Variants in PPP1R15B observed in about 807,000 individuals in gnomAD.
The protein encoded by PPP1R15B is protein phosphatase 1 regulatory subunit 15B, also known as protein phosphatase 1, regulatory (inhibitor) subunit 15B.
A neutral mutation model predicts 53.9 loss-of-function variants in PPP1R15B; 31 were observed. The ratio of observed to expected loss-of-function variants is 0.58; its 90% CI spans 0.43 to 0.78. The LOEUF is 0.78. PPP1R15B is among the 30% of genes least tolerant of loss of function. PPP1R15B has a pLI of 0.00. For synonymous variants in PPP1R15B, 345 were observed against 329.1 expected, an observed-to-expected ratio of 1.05 and a Z score of -0.52; for missense variants, 928 against 849.6, an observed-to-expected ratio of 1.09 and a Z score of -1.15.
Position 204,411,582 on chromosome 1 carries a change from G to C in PPP1R15B, c.-171C>G. On this transcript the variant is annotated 5_prime_UTR_variant, in exon 1 of 2. Transcript: ENST00000367188. ...CACAGAGGGCAGCGAATGCGGCAGC[G>C]GGCGGCAGAACACAGGGAAGAACAG... 1 of 863,942 alleles carries C rather than the reference G, an allele frequency of 1.2e-6. No homozygotes were observed. The highest frequency in any genetic ancestry group is 1.8e-6 in the Non-Finnish European group (1 of 568,124). The allele number at this position is 863,942 out of a possible 1,614,324, so 53.5% of individuals were successfully genotyped here.
In PPP1R15B at chr1:204,411,355, C is replaced by T; in HGVS notation, c.57G>A (p.Arg19=). 1 of 1,613,736 alleles carries T rather than the reference C, an allele frequency of 6.2e-7. No individual in the cohort carries two copies. Among genetic ancestry groups the T allele is most frequent in the Admixed American group, 1.7e-5 (1 of 60,026 alleles). ...RKRLGPRAGF[R]FWPPFFPRRS... ...GCCGAGGGAAAAAGGGTGGCCAGAA[C>T]CGGAAGCCCGCCCGAGGGCCAAGCC... is the stretch of plus-strand genomic sequence containing the variant. Residue 19 remains arginine (R), a synonymous_variant, in exon 1 of 2, where the codon CGG becomes CGA. Coordinates refer to ENST00000367188, the MANE Select transcript of PPP1R15B (RefSeq NM_032833.5).
rs970498927 is a variant in PPP1R15B at position 204,403,996 on chromosome 1, G to A, written c.*2096C>T. ...TCTCATTATTTTCAAATACACAGAG[G>A]TGCTAGGTTTAAGAAACAGGAAACA... On this transcript the variant is annotated 3_prime_UTR_variant, in exon 2 of 2. Transcript: ENST00000367188. 3 of 985,214 alleles carry A rather than the reference G, an allele frequency of 3.0e-6. No individual in the cohort carries two copies. Among genetic ancestry groups the A allele is most frequent in the Non-Finnish European group, 3.6e-6 (3 of 829,906 alleles). 61.0% of individuals were successfully genotyped at this position (985,214 alleles called of 1,614,324 possible).
Position 204,404,087 on chromosome 1 carries a change from A to G in PPP1R15B, c.*2005T>C. The G allele has an allele frequency of 1.0e-6, 1 of 985,458 alleles. No homozygotes were observed. Among genetic ancestry groups the G allele is most frequent in the African/African-American group, 1.7e-5 (1 of 57,366 alleles). The allele number at this position is 985,458 out of a possible 1,614,324, so 61.0% of individuals were successfully genotyped here. The stretch of plus-strand genomic sequence containing the variant: ...TAAAAGAATGCCTGTATGTTGTCAA[A>G]AGGCTTTTTTCAAGGCAAATGACGC... On this transcript the variant is annotated 3_prime_UTR_variant, in exon 2 of 2. Transcript: ENST00000367188.
At position 204,406,023 on chromosome 1, in the gene PPP1R15B, GA is replaced by G; in HGVS notation, c.*68del. 6.5e-7 allele frequency: 1 copy of G among 1,543,940 alleles called. No individual in the cohort carries two copies. Among genetic ancestry groups the G allele is most frequent in the Non-Finnish European group, 8.7e-7 (1 of 1,146,916 alleles). On this transcript the variant is annotated 3_prime_UTR_variant, in exon 2 of 2. Coordinates refer to ENST00000367188, the MANE Select transcript of PPP1R15B (RefSeq NM_032833.5). ...AAAAATGTCAAAGGACAGCTGCCAA[GA>G]TTTGTTTTTAAAAGACACCTCTCAG...
chr1:204,406,457 A>C, intron 1 of PPP1R15B, 144 bp from the exon 2 acceptor site: 1 of 1,257,868 alleles, frequency 7.9e-7, no homozygotes, highest in Non-Finnish European at 1.1e-6. Flanking sequence ...GGTCCCAGCT[A>C]TATTTGAAGT....
At chr1:204,396,251 C>T (rs1572248531), downstream of PPP1R15B, among the ~76,000 whole-genome samples, 1 of 150,174 alleles carries the variant, frequency 6.7e-6, no homozygotes, top group South Asian at 2.1e-4. Context: ...CTCACACCTG[C>T]AATCCCAGCA....
Position 204,406,291 on chromosome 1 carries a change from G to A in PPP1R15B, c.1943C>T (p.Thr648Ile). ...RKKVTFLEEV[T>I]EYYISGDEDR... ...CTCATCACCACTTATATAATACTCAGTAACTTCTTCAAGGAAGGTTACCTA... is the reference window on the plus strand; with the variant it reads ...CTCATCACCACTTATATAATACTCAATAACTTCTTCAAGGAAGGTTACCTA... Residue 648 changes from threonine (T) to isoleucine (I), a missense_variant, in exon 2 of 2, where the codon ACT (threonine) becomes ATT (isoleucine). Coordinates refer to ENST00000367188, the MANE Select transcript of PPP1R15B (RefSeq NM_032833.5). 6.2e-7 allele frequency: 1 copy of A among 1,613,804 alleles called. No homozygotes were observed. The highest frequency in any genetic ancestry group is 1.3e-5 in the African/African-American group (1 of 74,988).
Position 204,409,806 on chromosome 1 carries a change from T to C in PPP1R15B, c.1606A>G (p.Ser536Gly), listed in dbSNP as rs765785733. 1.9e-6 allele frequency: 3 copies of C among 1,614,010 alleles called. No homozygotes were observed. Among genetic ancestry groups the C allele is most frequent in the South Asian group, 1.1e-5 (1 of 91,090 alleles). Residue 536 changes from serine to glycine, a missense_variant, in exon 1 of 2, where the codon AGT (serine) becomes GGT (glycine). Ser to Gly is a moderately conservative substitution (Grantham distance 56). Transcript: ENST00000367188. The part of the protein sequence containing the change: ...SGSLPETPEH[S>G]SGEEDDWESS... ...TCCCAGTCATCTTCCTCCCCAGAAC[T>C]ATGCTCAGGGGTCTCAGGAAGGCTT...
downstream of PPP1R15B, among the ~76,000 whole-genome samples, chr1:204,396,747 A>C (rs1233654501): frequency 6.6e-6 from 1 of 152,184 alleles, no homozygotes; most frequent in Non-Finnish European, 1.5e-5. Flanking sequence ...AATGAGTGAA[A>C]CTTATTGTAA....
rs1420354174 is a variant in PPP1R15B, at chr1:204,410,298, C to A, written c.1114G>T (p.Val372Phe). The A allele has an allele frequency of 1.2e-6, 2 of 1,614,120 alleles. No homozygotes were observed. Among genetic ancestry groups the A allele is most frequent in the South Asian group, 2.2e-5 (2 of 91,082 alleles). ...CTCTCTTCTTCCAAAGCAAGTGGAACCTCTGTAGTTAATAATTCTATTTTT... is the reference window on the plus strand; with the variant it reads ...CTCTCTTCTTCCAAAGCAAGTGGAAACTCTGTAGTTAATAATTCTATTTTT... Reference protein sequence around the residue: ...EEKIELLTTEVPLALEEESPS... With the variant: ...EEKIELLTTEFPLALEEESPS... Residue 372 changes from valine to phenylalanine, a missense_variant, in exon 1 of 2, where the codon GTT (valine) becomes TTT (phenylalanine). Coordinates refer to ENST00000367188, the MANE Select transcript of PPP1R15B (RefSeq NM_032833.5).
chr1:204,399,492 G>A (rs930692173), downstream of PPP1R15B, among the ~76,000 whole-genome samples: 1 of 151,978 alleles, frequency 6.6e-6, no homozygotes, highest in Non-Finnish European at 1.5e-5. Context: ...CCTGGGAGGC[G>A]GAGGTTCAGC....
At position 204,405,906 on chromosome 1, in the gene PPP1R15B, T is replaced by C. The variant is rs184365286; in HGVS notation, c.*186A>G. The C allele has an allele frequency of 7.2e-5, 99 of 1,383,428 alleles. No individual in the cohort carries two copies. Among genetic ancestry groups the C allele is most frequent in the Admixed American group, 1.8e-4 (6 of 32,670 alleles). 85.7% of individuals were successfully genotyped at this position (1,383,428 alleles called of 1,614,324 possible). ...AATCACACTAGTTCATCCTTCATTA[T>C]CAGGGCTGGCTTCAAACCTGAATGT... On this transcript the variant is annotated 3_prime_UTR_variant, in exon 2 of 2. Coordinates refer to ENST00000367188, the MANE Select transcript of PPP1R15B (RefSeq NM_032833.5).
chr1:204,410,036 C>G lies in PPP1R15B; in HGVS notation c.1376G>C (p.Ser459Thr). ...DEEAEDDGFD[S>T]DSSLSDSDLE... The stretch of plus-strand genomic sequence containing the variant: ...GTCTGAGTCTGACAGTGAGCTATCA[C>G]TATCAAAACCATCATCCTCAGCTTC... Residue 459 changes from serine to threonine, a missense_variant, in exon 1 of 2, where the codon AGT becomes ACT. Coordinates refer to ENST00000367188, the MANE Select transcript of PPP1R15B (RefSeq NM_032833.5). 5.6e-6 allele frequency: 9 copies of G among 1,614,166 alleles called. No homozygotes were observed. The highest frequency in any genetic ancestry group is 7.6e-6 in the Non-Finnish European group (9 of 1,180,000).
chr1:204,398,975 T>G (rs528173630), downstream of PPP1R15B, among the ~76,000 whole-genome samples: 1 of 152,352 alleles, frequency 6.6e-6, no homozygotes, highest in African/African-American at 2.4e-5. Flanking sequence ...TGTAATTACT[T>G]TCTACAAATT....
In PPP1R15B at chr1:204,403,585, AAAGATG is replaced by A. The variant is rs1432573570; in HGVS notation, c.*2501_*2506del. ...AATCTGATAGTTTTGATTTCAAGTT[AAAGATG>A]AAGAAGTGTTACATTTCATCACTCA... On this transcript the variant is annotated 3_prime_UTR_variant, in exon 2 of 2. Coordinates refer to ENST00000367188, the MANE Select transcript of PPP1R15B (RefSeq NM_032833.5). The A allele has an allele frequency of 7.3e-6, 7 of 964,288 alleles. No homozygotes were observed. The highest frequency in any genetic ancestry group is 7.4e-6 in the Non-Finnish European group (6 of 816,240). The allele number at this position is 964,288 out of a possible 1,614,324, so 59.7% of individuals were successfully genotyped here.
Position 204,403,822 on chromosome 1 carries a change from A to G in PPP1R15B, c.*2270T>C. The G allele has an allele frequency of 1.0e-6, 1 of 985,858 alleles. No homozygotes were observed. Among genetic ancestry groups the G allele is most frequent in the Non-Finnish European group, 1.2e-6 (1 of 829,924 alleles). 61.1% of individuals were successfully genotyped at this position (985,858 alleles called of 1,614,324 possible). On this transcript the variant is annotated 3_prime_UTR_variant, in exon 2 of 2. Transcript: ENST00000367188. ...TTTTTTCTCCTTCAGTCCAACTTTA[A>G]AATAGTCCTTTCTGTCCTTCTTATC...
chr1:204,409,984 G>A lies in PPP1R15B; in HGVS notation c.1428C>T (p.His476=). Residue 476 remains histidine, a synonymous_variant, in exon 1 of 2, where the codon CAC becomes CAT. Transcript: ENST00000367188. ...CTACACTGCAGAAAGAGTTCCAAAG[G>A]TGAAGCCCTTCAGGGTCTTGTTCAA... ...SDLEQDPEGL[H]LWNSFCSVDP... The A allele has an allele frequency of 1.2e-6, 2 of 1,614,132 alleles. No individual in the cohort carries two copies. The highest frequency in any genetic ancestry group is 2.2e-5 in the East Asian group (1 of 44,880).
rs147763520 is a variant in PPP1R15B, at chr1:204,404,790, G to T, written c.*1302C>A. The T allele has an allele frequency of 2.9e-5, 29 of 985,672 alleles. No homozygotes were observed. Among genetic ancestry groups the T allele is most frequent in the Admixed American group, 6.2e-5 (1 of 16,260 alleles). 61.1% of individuals were successfully genotyped at this position (985,672 alleles called of 1,614,324 possible). A position where few individuals can be genotyped will look rare whatever the true frequency, so the allele number is the denominator to read the frequency against. On this transcript the variant is annotated 3_prime_UTR_variant, in exon 2 of 2. Transcript: ENST00000367188. ...AGCACACGGAATGAAAGCAGACCAC[G>T]GAAGGGTTAACAACCCCTCAACCTA...
downstream of PPP1R15B, among the ~76,000 whole-genome samples, chr1:204,397,776 A>C (rs1170799782): frequency 6.6e-6 from 1 of 152,200 alleles, no homozygotes; most frequent in Non-Finnish European, 1.5e-5. Context: ...AGTGCCTTTC[A>C]TAACGATGAC....
Sources: allele counts gnomAD v4.1 joint callset (sites outside exome capture counted in the v4.1 genomes callset), GRCh38; gene constraint gnomAD v4.1.1; transcripts MANE v1.5; gene names NCBI Gene and HGNC (gene_info 2026-07-23, HGNC 2026-07-21).